Variants in SCFD1 observed in about 807,000 individuals in gnomAD.
SCFD1 encodes sec1 family domain containing 1.
Under a neutral mutation model 103.2 loss-of-function variants are expected in SCFD1, and 37 were observed. That is an observed-to-expected ratio of 0.36 (90% CI 0.28 to 0.47). SCFD1 has a LOEUF of 0.47. SCFD1 is among the 20% of genes least tolerant of loss of function. The pLI is 1.00. For missense variants in SCFD1, 639 were observed against 761.2 expected, an observed-to-expected ratio of 0.84 and a Z score of 1.89; for synonymous variants, 264 against 245.0, an observed-to-expected ratio of 1.08 and a Z score of -0.73.
At chr14:30,638,493 T>C (rs886454425) in intron 5 of SCFD1, among the ~76,000 whole-genome samples, 1 of 152,098 alleles carries the variant, frequency 6.6e-6, no homozygotes, top group Non-Finnish European at 1.5e-5. Context: ...GCAGAATGAG[T>C]TTTGCTTTAG....
chr14:30,673,897 G>A, intron 12 of SCFD1, 27 bp from the exon 13 acceptor site: 1 of 1,535,634 alleles, frequency 6.5e-7, no homozygotes, highest in Middle Eastern at 1.7e-4. Context: ...TTTTTGAGTA[G>A]CTATTGAGAC....
chr14:30,681,659 A>G (rs180770508), intron 14 of SCFD1, among the ~76,000 whole-genome samples: 1 of 147,042 alleles, frequency 6.8e-6, no homozygotes, highest in East Asian at 2.0e-4. Context: ...CACAGCCAAG[A>G]TAAAAAAGAG....
intron 10 of SCFD1, among the ~76,000 whole-genome samples, chr14:30,667,023 G>C (rs926289884): frequency 1.3e-5 from 2 of 152,188 alleles, no homozygotes; most frequent in Non-Finnish European, 2.9e-5. Flanking sequence ...CCAGTCAATA[G>C]AAGAAGAGGG....
intron 19 of SCFD1, chr14:30,715,584 A>C (rs1011714846): frequency 6.2e-6 from 1 of 161,358 alleles, no homozygotes; most frequent in Non-Finnish European, 1.3e-5. Flanking sequence ...AAAAAAAAAA[A>C]CGGGATTCTT....
intron 19 of SCFD1, among the ~76,000 whole-genome samples, chr14:30,712,596 G>A (rs1026985011): frequency 2.6e-5 from 4 of 151,992 alleles, no homozygotes; most frequent in South Asian, 2.1e-4. Context: ...CTTTTCCGGT[G>A]ACTAAAATCA....
rs749778552 is a variant in SCFD1 at position 30,674,033 on chromosome 14, G to A, written c.1160+36G>A. 3 of 1,497,712 alleles carry A rather than the reference G, an allele frequency of 2.0e-6. No individual in the cohort carries two copies. In the South Asian group the frequency reaches 3.6e-5, roughly 18 times the overall value. 92.8% of individuals were successfully genotyped at this position (1,497,712 alleles called of 1,614,324 possible). A position where few individuals can be genotyped will look rare whatever the true frequency, so the allele number is the denominator to read the frequency against. On this transcript the variant is annotated intron_variant, in intron 13 of 24. Transcript: ENST00000458591. Reference sequence around the variant, plus strand: ...AGTATATCCTCTTTGAAGTCTTTCTGTTGATAGGATTTTTTTTTTATTTAA... The same window carrying A: ...AGTATATCCTCTTTGAAGTCTTTCTATTGATAGGATTTTTTTTTTATTTAA...
At chr14:30,666,619 T>A (rs2139182742) in intron 10 of SCFD1, among the ~76,000 whole-genome samples, 1 of 152,252 alleles carries the variant, frequency 6.6e-6, no homozygotes, top group East Asian at 1.9e-4. Context: ...AGGAGCTGGT[T>A]TTTTGAAAAG....
intron 15 of SCFD1, among the ~76,000 whole-genome samples, chr14:30,696,763 GGT>G (rs1355851164): frequency 2.6e-5 from 4 of 152,160 alleles, no homozygotes; most frequent in African/African-American, 9.7e-5. Context: ...CGTATGTCTA[GGT>G]ATGTGGATGG....
At chr14:30,673,643 G>T (rs1318245120) in intron 12 of SCFD1, among the ~76,000 whole-genome samples, 1 of 152,088 alleles carries the variant, frequency 6.6e-6, no homozygotes, top group East Asian at 1.9e-4. Flanking sequence ...GTTTATTGCT[G>T]TGTGACCTAT....
intron 17 of SCFD1, among the ~76,000 whole-genome samples, chr14:30,705,401 A>C (rs138040838): frequency 0.018 from 2,719 of 152,316 alleles, 39 homozygotes; most frequent in South Asian, 0.037. Flanking sequence ...TCTCTACATC[A>C]GTTCTTTTTA....
chr14:30,664,635 T>C (rs912746262), intron 10 of SCFD1, among the ~76,000 whole-genome samples: 1 of 152,004 alleles, frequency 6.6e-6, no homozygotes, highest in African/African-American at 2.4e-5. Flanking sequence ...ACAAGGAAGC[T>C]AAAAACCTTG....
At chr14:30,730,165 A>G (rs913996959) in intron 23 of SCFD1, among the ~76,000 whole-genome samples, 18 of 152,186 alleles carry the variant, frequency 1.2e-4, no homozygotes, top group Admixed American at 1.0e-3. Flanking sequence ...AGCTTCATCT[A>G]TGTCCCTACA....
chr14:30,642,236 T>C (rs192106286), intron 6 of SCFD1, among the ~76,000 whole-genome samples: 1 of 152,154 alleles, frequency 6.6e-6, no homozygotes, highest in Non-Finnish European at 1.5e-5. Flanking sequence ...TACAGGTGTG[T>C]GCCACCACAC....
At chr14:30,693,133 A>T (rs774621873) in intron 14 of SCFD1, among the ~76,000 whole-genome samples, 2 of 152,228 alleles carry the variant, frequency 1.3e-5, no homozygotes, top group African/African-American at 2.4e-5. Context: ...GAATTCATAG[A>T]TAAGAGCTCA....
At chr14:30,701,824 T>C (rs1289153412) in intron 16 of SCFD1, among the ~76,000 whole-genome samples, 1 of 151,880 alleles carries the variant, frequency 6.6e-6, no homozygotes, top group Non-Finnish European at 1.5e-5. Context: ...AAAAAAAAAT[T>C]TAAAAGTGCG....
chr14:30,649,921 G>A (rs1886239289), intron 8 of SCFD1, among the ~76,000 whole-genome samples: 1 of 151,838 alleles, frequency 6.6e-6, no homozygotes, highest in African/African-American at 2.4e-5. Context: ...ACTTCATTTA[G>A]CAAATATTAC....
intron 23 of SCFD1, among the ~76,000 whole-genome samples, chr14:30,724,665 C>A (rs1390143622): frequency 1.3e-5 from 2 of 152,080 alleles, no homozygotes; most frequent in Non-Finnish European, 2.9e-5. Context: ...TTGATAATTT[C>A]TTTTGCTATG....
intron 20 of SCFD1, among the ~76,000 whole-genome samples, chr14:30,716,194 T>C (rs1892268066): frequency 6.6e-6 from 1 of 152,238 alleles, no homozygotes; most frequent in South Asian, 2.1e-4. Flanking sequence ...TGGCCAGCTC[T>C]CATTCAAATG....
At chr14:30,625,640 CATATAGGTATACCT>C (rs1883334934) in intron 1 of SCFD1, among the ~76,000 whole-genome samples, 1 of 146,276 alleles carries the variant, frequency 6.8e-6, no homozygotes, top group Admixed American at 6.8e-5. Flanking sequence ...GGTATATAGG[CATATAGGTATACCT>C]ATATAGGTAT....
Sources: allele counts gnomAD v4.1 joint callset (sites outside exome capture counted in the v4.1 genomes callset), GRCh38; gene constraint gnomAD v4.1.1; transcripts MANE v1.5; gene names NCBI Gene and HGNC (gene_info 2026-07-23, HGNC 2026-07-21).